The following SORCS1 variants were observed in gnomAD, a reference collection of about 807,000 sequenced individuals.
The protein encoded by SORCS1 is sortilin related VPS10 domain containing receptor 1.
SORCS1 carries 60 observed loss-of-function variants against 146.1 expected under a neutral mutation model. That is an observed-to-expected ratio of 0.41 (90% CI 0.33 to 0.51). The LOEUF is 0.51. Ranked by LOEUF, SORCS1 falls within the 20% of genes least tolerant of loss-of-function variation. SORCS1 has a pLI of 0.21. For missense variants in SORCS1, 1,352 were observed against 1,487.6 expected (o/e 0.91, Z 1.50); for synonymous variants, 637 against 584.0 (o/e 1.09, Z -1.31).
intron 14 of SORCS1, 137 bp from the exon 15 acceptor site, chr10:106,673,122 T>A (rs1851732377): frequency 8.0e-6 from 5 of 622,898 alleles, no homozygotes; most frequent in Non-Finnish European, 1.3e-5. Flanking sequence ...CAAAACGCAT[T>A]CATGAAGAGG....
rs1251826189 is a variant in SORCS1, at chr10:106,971,959, A to G, written c.559-15379T>C. Among the ~76,000 whole-genome samples, 7 of 152,184 alleles carry G rather than the reference A, an allele frequency of 4.6e-5. No individual in the cohort carries two copies. In the South Asian group the frequency reaches 1.4e-3, roughly 32 times the overall value. On this transcript the variant is annotated intron_variant, in intron 1 of 25. Transcript: ENST00000263054. Reference sequence around the variant, plus strand: ...TATGTATGGTGGCAGGGTGAGGGCTAATGCAAGAGGTTGAAAGGGCTGGAT... The same window carrying G: ...TATGTATGGTGGCAGGGTGAGGGCTGATGCAAGAGGTTGAAAGGGCTGGAT...
At chr10:106,927,346 G>C (rs1019905245) in intron 2 of SORCS1, among the ~76,000 whole-genome samples, 2 of 151,934 alleles carry the variant, frequency 1.3e-5, no homozygotes, top group Admixed American at 1.3e-4. Flanking sequence ...CTTTTAAGGC[G>C]GCGCGTCTGG....
chr10:107,165,322 T>TGTGTG (rs1970016923), upstream of SORCS1, among the ~76,000 whole-genome samples: 1 of 150,598 alleles, frequency 6.6e-6, no homozygotes, highest in African/African-American at 2.4e-5. The surrounding 1 kb of genome is among the most constrained non-coding windows in gnomAD (Gnocchi z 4.0). Context: ...TGTGTGTGTG[T>TGTGTG]TAGTTTGGGG....
chr10:106,695,302 A>C (rs1055929773), intron 9 of SORCS1, among the ~76,000 whole-genome samples: 87 of 152,232 alleles, frequency 5.7e-4, no homozygotes, highest in East Asian at 3.9e-4. Flanking sequence ...CTTTACATTG[A>C]CTTTTCCCCA....
intron 3 of SORCS1, among the ~76,000 whole-genome samples, chr10:106,790,228 C>A (rs1173788441): frequency 1.3e-5 from 2 of 152,160 alleles, no homozygotes; most frequent in Non-Finnish European, 2.9e-5. Flanking sequence ...TGATGCTCAA[C>A]AATTGGTACT....
intron 3 of SORCS1, among the ~76,000 whole-genome samples, chr10:106,794,501 C>CTTTTT (rs35647552): frequency 1.9e-4 from 24 of 126,054 alleles, no homozygotes; most frequent in Non-Finnish European, 2.5e-4. Flanking sequence ...TTTTCTTTTT[C>CTTTTT]TTTTTTTTTT....
rs566518336 is a variant in SORCS1 at position 106,633,253 on chromosome 10, G to T, written c.2476-3865C>A. On this transcript the variant is annotated intron_variant, in intron 18 of 25. Transcript: ENST00000263054. ...TTTCAATACATATATATAATATGTA[G>T]TGATAAAATCAGGGTAACTGTGATA... 1.7e-3 allele frequency among the ~76,000 whole-genome samples: 262 copies of T among 152,252 alleles called. 4 individuals are homozygous for T. The highest frequency in any genetic ancestry group is 6.1e-3 in the African/African-American group (254 of 41,530).
intron 5 of SORCS1, among the ~76,000 whole-genome samples, chr10:106,742,750 T>C (rs897837269): frequency 5.3e-5 from 8 of 152,172 alleles, no homozygotes; most frequent in Non-Finnish European, 1.0e-4. Context: ...CCAGAACCCA[T>C]GGCACGAAGT....
the SORCS1 span, among the ~76,000 whole-genome samples, chr10:107,179,742 C>T: frequency 2.6e-5 from 4 of 152,010 alleles, no homozygotes; most frequent in Non-Finnish European, 5.9e-5. Flanking sequence ...ATGTCTCTTG[C>T]CCATGTTCTA....
chr10:107,068,764 G>A (rs1236057465), intron 1 of SORCS1, among the ~76,000 whole-genome samples: 3 of 151,996 alleles, frequency 2.0e-5, no homozygotes, highest in Non-Finnish European at 4.4e-5. Context: ...CAGCTACTTG[G>A]GAGGCTGAGG....
chr10:106,612,832 T>C (rs147083449), intron 21 of SORCS1, among the ~76,000 whole-genome samples: 1 of 152,260 alleles, frequency 6.6e-6, no homozygotes, highest in African/African-American at 2.4e-5. Context: ...GGATAGTAAA[T>C]GATCTGGAGC....
intron 1 of SORCS1, among the ~76,000 whole-genome samples, chr10:107,005,312 C>T (rs577263283): frequency 3.0e-5 from 4 of 135,082 alleles, no homozygotes; most frequent in Admixed American, 8.1e-5. Context: ...TGAGACAGAA[C>T]GAGACTTTGT....
intron 1 of SORCS1, among the ~76,000 whole-genome samples, chr10:107,016,570 G>C (rs1957907622): frequency 6.6e-6 from 1 of 152,144 alleles, no homozygotes; most frequent in South Asian, 2.1e-4. Context: ...AACACAATGA[G>C]ATTTCTAGAA....
chr10:106,803,757 A>T (rs186913573), intron 3 of SORCS1, among the ~76,000 whole-genome samples: 7 of 152,336 alleles, frequency 4.6e-5, no homozygotes, highest in Admixed American at 6.5e-5. Context: ...GTCTGTCAGA[A>T]TTGTTACAGC....
At chr10:106,786,238 G>T (rs946835076) in intron 3 of SORCS1, among the ~76,000 whole-genome samples, 9 of 152,186 alleles carry the variant, frequency 5.9e-5, no homozygotes, top group Non-Finnish European at 1.2e-4. Context: ...TTAAGATTTT[G>T]TGGGTCAGGA....
intron 8 of SORCS1, 71 bp from the exon 9 acceptor site, chr10:106,699,464 G>A (rs544779704): frequency 3.6e-6 from 5 of 1,391,848 alleles, no homozygotes; most frequent in South Asian, 1.5e-5. Context: ...CATCCAAAGA[G>A]TGTGGAATCA....
At chr10:107,085,304 T>C (rs935243312) in intron 1 of SORCS1, among the ~76,000 whole-genome samples, 2 of 152,122 alleles carry the variant, frequency 1.3e-5, no homozygotes, top group Admixed American at 6.5e-5. Context: ...ACACAACAAA[T>C]AAAAATTGGC....
intron 2 of SORCS1, among the ~76,000 whole-genome samples, chr10:106,925,942 AAAAT>A (rs1206737980): frequency 2.6e-5 from 4 of 152,246 alleles, no homozygotes; most frequent in Admixed American, 6.5e-5. Flanking sequence ...CAATTTATGA[AAAAT>A]AAATAATGTT....
intron 2 of SORCS1, among the ~76,000 whole-genome samples, chr10:106,911,088 C>G (rs917050151): frequency 6.6e-6 from 1 of 152,158 alleles, no homozygotes; most frequent in Non-Finnish European, 1.5e-5. Context: ...TGGACCAGTT[C>G]ACAGATCTCT....
Sources: gnomAD v4.1 joint callset for allele counts (sites outside exome capture counted in the v4.1 genomes callset) on GRCh38, gnomAD v4.1.1 for gene constraint, Gnocchi (gnomAD v3.1) non-coding constraint, MANE v1.5 for transcripts, NCBI Gene and HGNC (gene_info 2026-07-23, HGNC 2026-07-21) for gene names.